Variants in DAOA observed in about 807,000 individuals in gnomAD.
The protein encoded by DAOA is D-amino acid oxidase activator.
DAOA carries 15 observed loss-of-function variants against 16.4 expected under a neutral mutation model. The ratio of observed to expected loss-of-function variants is 0.91; its 90% confidence interval spans 0.61 to 1.41. The LOEUF is 1.41. Among genes scored for constraint, DAOA ranks in the 40% most tolerant of loss-of-function variants. The pLI, the probability that DAOA is intolerant of heterozygous loss-of-function variation, is 0.00. For synonymous variants in DAOA, 75 were observed against 59.1 expected, an observed-to-expected ratio of 1.27 and a Z score of -1.23; for missense variants, 230 against 176.8, an observed-to-expected ratio of 1.30 and a Z score of -1.71.
At chr13:105,477,422 A>G (rs9519684) in intron 4 of DAOA, among the ~76,000 whole-genome samples, 54,695 of 152,152 alleles carry the variant, frequency 0.36, 9,983 homozygotes, top group African/African-American at 0.4. Flanking sequence ...ACATAAAAAT[A>G]AACTGAATGT....
intron 4 of DAOA, among the ~76,000 whole-genome samples, chr13:105,483,317 T>C (rs1449471521): frequency 1.3e-5 from 2 of 152,222 alleles, no homozygotes; most frequent in Non-Finnish European, 2.9e-5. Context: ...ATAATTTGTG[T>C]AGAAGTCTTA....
intron 3 of DAOA, chr13:105,467,848 C>CTGCTATAT (rs1876643171): frequency 6.6e-6 from 1 of 150,662 alleles, no homozygotes; most frequent in Non-Finnish European, 1.5e-5. Flanking sequence ...AGTTTTCTAT[C>CTGCTATAT]ACTGCTATAA....
At chr13:105,486,124 G>A (rs911035322) in intron 4 of DAOA, among the ~76,000 whole-genome samples, 14 of 152,090 alleles carry the variant, frequency 9.2e-5, no homozygotes, top group African/African-American at 3.4e-4. Context: ...ACATGTCATT[G>A]CCCTTCTTCA....
At chr13:105,468,987 C>T (rs1876735229) in intron 3 of DAOA, among the ~76,000 whole-genome samples, 1 of 152,122 alleles carries the variant, frequency 6.6e-6, no homozygotes, top group African/African-American at 2.4e-5. Flanking sequence ...TTTCCAAGTG[C>T]ATATTTTTTA....
rs772744576 is a variant in DAOA at position 105,472,643 on chromosome 13, C to CATT, written c.242_244dup (p.Leu81dup). On this transcript the variant is annotated inframe_insertion, in exon 4 of 6. Transcript: ENST00000375936. ...ATGGCACAGAGGCATTTACAGAGAT[C>CATT]ATTATGTCCTTGGGTCTCTTACCTT... is the stretch of plus-strand genomic sequence containing the variant. 5.6e-5 allele frequency: 91 copies of CATT among 1,614,044 alleles called. No individual in the cohort carries two copies. Among genetic ancestry groups the CATT allele is most frequent in the Non-Finnish European group, 7.7e-5 (91 of 1,179,926 alleles).
intron 4 of DAOA, chr13:105,475,005 T>C: frequency 1.0e-6 from 1 of 985,802 alleles, no homozygotes; most frequent in Non-Finnish European, 1.2e-6. Flanking sequence ...AAATGGCAAT[T>C]TGCACTGTCA....
At chr13:105,487,274 C>T (rs1314586636) in intron 4 of DAOA, among the ~76,000 whole-genome samples, 1 of 152,092 alleles carries the variant, frequency 6.6e-6, no homozygotes, top group Non-Finnish European at 1.5e-5. Context: ...TGGTGCACTC[C>T]TCTCCTTCCC....
chr13:105,484,794 A>T (rs986215220), intron 4 of DAOA, among the ~76,000 whole-genome samples: 9 of 152,206 alleles, frequency 5.9e-5, no homozygotes, highest in African/African-American at 2.2e-4. Flanking sequence ...GATGCCTTTT[A>T]TTTATTGCTG....
intron 4 of DAOA, among the ~76,000 whole-genome samples, chr13:105,476,577 A>G (rs2139183197): frequency 6.6e-6 from 1 of 151,594 alleles, no homozygotes. Flanking sequence ...CCTCTCGGTG[A>G]TTTATGATGT....
chr13:105,471,790 A>G (rs1468291946), intron 3 of DAOA, among the ~76,000 whole-genome samples: 1 of 152,220 alleles, frequency 6.6e-6, no homozygotes, highest in African/African-American at 2.4e-5. Context: ...AAGAAAGTCA[A>G]TTGCATTTAT....
Position 105,472,557 on chromosome 13 carries a change from A to T in DAOA, c.153A>T (p.Gly51=). 1 of 1,614,018 alleles carries T rather than the reference A, an allele frequency of 6.2e-7. No individual in the cohort carries two copies. Among genetic ancestry groups the T allele is most frequent in the Non-Finnish European group, 8.5e-7 (1 of 1,179,922 alleles). The change falls in exon 4 of 6, where the codon GGA becomes GGT. Residue 51 remains glycine, a synonymous_variant. Transcript: ENST00000375936. ...LNSIAKETEE[G]RETVTRKEGW... ...TTGCAGCAAAGGAGACAGAAGAAGG[A>T]AGAGAGACGGTAACAAGGAAAGAAG... is the stretch of plus-strand genomic sequence containing the variant.
intron 4 of DAOA, among the ~76,000 whole-genome samples, chr13:105,488,538 T>C (rs1321947547): frequency 6.6e-6 from 1 of 152,204 alleles, no homozygotes; most frequent in Non-Finnish European, 1.5e-5. Context: ...AACGCAATTA[T>C]CTGTTTTGCT....
chr13:105,480,733 G>C (rs1167021271), intron 4 of DAOA, among the ~76,000 whole-genome samples: 1 of 152,048 alleles, frequency 6.6e-6, no homozygotes, highest in Non-Finnish European at 1.5e-5. Context: ...ATGGGAAGTG[G>C]GGTGCTAGTG....
At position 105,489,764 on chromosome 13, in the gene DAOA, A is replaced by T. The variant is rs777715333; in HGVS notation, c.282-137A>T. 3 of 1,573,564 alleles carry T rather than the reference A, an allele frequency of 1.9e-6. No homozygotes were observed. The South Asian group carries it at 3.5e-5, about 18-fold the overall frequency. Reference sequence around the variant, plus strand: ...GACTTCTTGGTGGTCACACATTTGTATAACCCCTTACCCTTGAATGTGGGC... The same window carrying T: ...GACTTCTTGGTGGTCACACATTTGTTTAACCCCTTACCCTTGAATGTGGGC... On this transcript the variant is annotated intron_variant, in intron 4 of 5. Coordinates refer to ENST00000375936, the MANE Select transcript of DAOA (RefSeq NM_172370.5).
intron 4 of DAOA, 98 bp from the exon 5 acceptor site, chr13:105,489,803 T>C: frequency 6.2e-7 from 1 of 1,611,764 alleles, no homozygotes; most frequent in South Asian, 1.1e-5. Context: ...AGCTGGGACT[T>C]CTAACCAATG....
chr13:105,478,182 A>G (rs1016024202), intron 4 of DAOA, among the ~76,000 whole-genome samples: 3 of 152,224 alleles, frequency 2.0e-5, no homozygotes, highest in African/African-American at 7.2e-5. Flanking sequence ...CTGCACTTCA[A>G]TGAAAAATGA....
At chr13:105,472,403 T>C in intron 3 of DAOA, 135 bp from the exon 4 acceptor site, 7 of 1,279,802 alleles carry the variant, frequency 5.5e-6, no homozygotes, top group Non-Finnish European at 7.3e-6. Context: ...GAATTTTGTC[T>C]TAACCAAAAA....
intron 5 of DAOA, 23 bp downstream of exon 5, chr13:105,490,215 AT>A (rs1341480389): frequency 2.8e-5 from 30 of 1,069,816 alleles, no homozygotes; most frequent in Non-Finnish European, 1.2e-6. Flanking sequence ...ATAAAATTAT[AT>A]TTTTATGAAT....
At chr13:105,487,511 C>CT (rs1317511978) in intron 4 of DAOA, among the ~76,000 whole-genome samples, 1 of 151,558 alleles carries the variant, frequency 6.6e-6, no homozygotes, top group African/African-American at 2.4e-5. Flanking sequence ...TCCCTGATAC[C>CT]TTTTCCCTTT....
Sources: gnomAD v4.1 joint callset for allele counts (sites outside exome capture counted in the v4.1 genomes callset) on GRCh38, gnomAD v4.1.1 for gene constraint, MANE v1.5 for transcripts, NCBI Gene and HGNC (gene_info 2026-07-23, HGNC 2026-07-21) for gene names.